The following THRAP3 variants were observed in gnomAD, a reference collection of about 807,000 sequenced individuals.
THRAP3 encodes the protein thyroid hormone receptor-associated protein 3.
Under a neutral mutation model 101.0 loss-of-function variants are expected in THRAP3, and 16 were observed. The ratio of observed to expected loss-of-function variants is 0.16; its 90% confidence interval spans 0.11 to 0.24. The LOEUF is 0.24. Among genes scored for constraint, THRAP3 ranks in the 10% least tolerant of loss-of-function variants. THRAP3 has a pLI of 1.00. For synonymous variants in THRAP3, 407 were observed against 422.6 expected (o/e 0.96, Z 0.45); for missense variants, 989 against 1,202.7 (o/e 0.82, Z 2.63).
At position 36,270,031 on chromosome 1, in the gene THRAP3, A is replaced by T. The variant is rs143320562; in HGVS notation, c.-32+10547A>T. On this transcript the variant is annotated intron_variant, in intron 2 of 11. Transcript: ENST00000354618. Reference sequence around the variant, plus strand: ...GATAATGTTTGAAGCTGGATGATGGAAACACTTGGGTTCCCTATACTGTTC... The same window carrying T: ...GATAATGTTTGAAGCTGGATGATGGTAACACTTGGGTTCCCTATACTGTTC... Among the ~76,000 whole-genome samples the T allele has an allele frequency of 7.4e-4, 112 of 152,312 alleles. 2 individuals carry two copies. In the East Asian group the frequency reaches 0.013, roughly 18 times the overall value.
chr1:36,273,904 G>T (rs1048749315), intron 2 of THRAP3, among the ~76,000 whole-genome samples: 1 of 152,044 alleles, frequency 6.6e-6, no homozygotes, highest in East Asian at 1.9e-4. Flanking sequence ...TCAGCTGGGC[G>T]TGGTAGCACA....
At chr1:36,241,150 T>C (rs1570244698) in intron 1 of THRAP3, among the ~76,000 whole-genome samples, 1 of 137,994 alleles carries the variant, frequency 7.2e-6, no homozygotes, top group East Asian at 2.1e-4. Context: ...GAGCTTGCAG[T>C]GAGCCGAGAT....
At chr1:36,219,242 T>C in the THRAP3 span, among the ~76,000 whole-genome samples, 1 of 152,082 alleles carries the variant, frequency 6.6e-6, no homozygotes, top group South Asian at 2.1e-4. Context: ...TTGAGGAAGC[T>C]GCAGAAAAAA....
chr1:36,234,425 T>C (rs536773182), intron 1 of THRAP3, among the ~76,000 whole-genome samples: 1 of 152,236 alleles, frequency 6.6e-6, no homozygotes, highest in African/African-American at 2.4e-5. Flanking sequence ...AAATAGGAAA[T>C]GTAGAAAGTA....
Position 36,289,529 on chromosome 1 carries a change from C to A in THRAP3, c.1510C>A (p.Arg504=), listed in dbSNP as rs780659896. The A allele has an allele frequency of 8.1e-6, 13 of 1,613,964 alleles. No individual in the cohort carries two copies. In the Admixed American group the frequency reaches 1.8e-4, roughly 23 times the overall value. The change falls in exon 5 of 12, where the codon CGG becomes AGG. Residue 504 remains arginine (R), a synonymous_variant. Transcript: ENST00000354618. Reference sequence around the variant, plus strand: ...CCCAGAGAGATCCAAAAAGGAAGATCGGGGCAAGAGAAGCGAAGGTGGGCA... The same window carrying A: ...CCCAGAGAGATCCAAAAAGGAAGATAGGGGCAAGAGAAGCGAAGGTGGGCA... ...SFPERSKKED[R]GKRSEGGHRG... is the part of the protein sequence containing the mutation.
chr1:36,259,763 C>CAA lies in THRAP3; in HGVS notation c.-32+292_-32+293dup, dbSNP rs11399884. Among the ~76,000 whole-genome samples the CAA allele has an allele frequency of 2.7e-3, 362 of 133,934 alleles. 3 individuals carry two copies. Among genetic ancestry groups the CAA allele is most frequent in the Admixed American group, 9.1e-3 (121 of 13,246 alleles). The allele number at this position is 133,934 out of a possible 152,430, so 87.9% of individuals were successfully genotyped here. On this transcript the variant is annotated intron_variant, in intron 2 of 11. Coordinates refer to ENST00000354618, the MANE Select transcript of THRAP3 (RefSeq NM_005119.4). ...CCTGGGTGACAGCAAGACCCTGTCT[C>CAA]AAAAAAAAAAAAAAGAAAAGAAAAA...
At chr1:36,235,139 AT>A (rs767099741) in intron 1 of THRAP3, among the ~76,000 whole-genome samples, 19 of 152,046 alleles carry the variant, frequency 1.2e-4, no homozygotes, top group Non-Finnish European at 2.4e-4. Flanking sequence ...GGAGGTAGAA[AT>A]CTCTGTCTAG....
chr1:36,260,815 A>G (rs558556214), intron 2 of THRAP3, among the ~76,000 whole-genome samples: 9 of 143,824 alleles, frequency 6.3e-5, no homozygotes, highest in Admixed American at 2.8e-4. Flanking sequence ...GAGCAAGACT[A>G]CGTCTCAAAA....
Position 36,288,049 on chromosome 1 carries a change from G to A in THRAP3, c.1040+779G>A, listed in dbSNP as rs530701723. 6.2e-6 allele frequency: 6 copies of A among 964,878 alleles called. No homozygotes were observed. The South Asian group carries it at 2.9e-4, about 46-fold the overall frequency. 59.8% of individuals were successfully genotyped at this position (964,878 alleles called of 1,614,324 possible). A position where few individuals can be genotyped will look rare whatever the true frequency, so the allele number is the denominator to read the frequency against. ...GTTTTTTGATCCCTTGATTCTTCTT[G>A]GCTGTATTAACACGACTTTGACTTG... On this transcript the variant is annotated intron_variant, in intron 4 of 11. Transcript: ENST00000354618.
intron 1 of THRAP3, among the ~76,000 whole-genome samples, chr1:36,251,233 G>A (rs1557818273): frequency 6.6e-6 from 1 of 152,148 alleles, no homozygotes; most frequent in Non-Finnish European, 1.5e-5. Context: ...GGAAATGCTG[G>A]TAGCTTATAA....
At chr1:36,272,677 TTATCTC>T (rs1207271412) in intron 2 of THRAP3, among the ~76,000 whole-genome samples, 2 of 152,230 alleles carry the variant, frequency 1.3e-5, no homozygotes, top group Non-Finnish European at 2.9e-5. Flanking sequence ...TTTGTCTGTC[TTATCTC>T]TATCAGTTGA....
intron 1 of THRAP3, among the ~76,000 whole-genome samples, chr1:36,239,098 T>G (rs1409266946): frequency 6.6e-6 from 1 of 151,324 alleles, no homozygotes; most frequent in East Asian, 1.9e-4. Flanking sequence ...CACACCCGGC[T>G]AATTTTTTTG....
intron 1 of THRAP3, among the ~76,000 whole-genome samples, chr1:36,234,031 C>T (rs1645058457): frequency 6.6e-6 from 1 of 151,980 alleles, no homozygotes; most frequent in Admixed American, 6.6e-5. Flanking sequence ...TCACGGCTAA[C>T]CTCAGCCTGG....
chr1:36,280,225 G>T (rs1645713876), intron 2 of THRAP3, among the ~76,000 whole-genome samples: 1 of 152,010 alleles, frequency 6.6e-6, no homozygotes, highest in African/African-American at 2.4e-5. Context: ...CTGTAAAACG[G>T]GATTAAAAAT....
intron 1 of THRAP3, among the ~76,000 whole-genome samples, chr1:36,253,781 G>GTTTTTTT (rs1353553825): frequency 1.8e-3 from 63 of 35,084 alleles, no homozygotes; most frequent in Middle Eastern, 0.016. Flanking sequence ...TTTTTTTTTA[G>GTTTTTTT]TTTTTGTAGA....
chr1:36,267,360 T>G (rs951786306), intron 2 of THRAP3, among the ~76,000 whole-genome samples: 1 of 152,182 alleles, frequency 6.6e-6, no homozygotes, highest in Non-Finnish European at 1.5e-5. Flanking sequence ...TCGTGTATAA[T>G]TTTTAAGTTT....
the THRAP3 span, among the ~76,000 whole-genome samples, chr1:36,217,494 A>G: frequency 1.3e-5 from 2 of 152,184 alleles, no homozygotes; most frequent in African/African-American, 4.8e-5. Context: ...GAAGAGATCC[A>G]AGATAGATCT....
At chr1:36,257,624 A>G (rs999072051) in intron 1 of THRAP3, among the ~76,000 whole-genome samples, 1 of 152,200 alleles carries the variant, frequency 6.6e-6, no homozygotes, top group African/African-American at 2.4e-5. Flanking sequence ...CTTCGCTGTC[A>G]CAGAGTAACT....
chr1:36,247,688 G>T (rs953565716), intron 1 of THRAP3, among the ~76,000 whole-genome samples: 14 of 152,078 alleles, frequency 9.2e-5, no homozygotes, highest in Admixed American at 7.2e-4. Flanking sequence ...TTGTGGAATG[G>T]TTAAATCTAG....
Sources: allele counts gnomAD v4.1 joint callset (sites outside exome capture counted in the v4.1 genomes callset), GRCh38; gene constraint gnomAD v4.1.1; transcripts MANE v1.5; gene names NCBI Gene and HGNC (gene_info 2026-07-23, HGNC 2026-07-21).